URI1: variants seen among roughly 807,000 people sequenced by gnomAD.
URI1 encodes the protein unconventional prefoldin RPB5 interactor 1.
URI1 carries 39 observed loss-of-function variants against 60.2 expected under a neutral mutation model. The ratio of observed to expected loss-of-function variants is 0.65; its 90% confidence interval spans 0.50 to 0.85. The LOEUF (loss-of-function observed/expected upper bound fraction) is 0.85. Among genes scored for constraint, URI1 ranks in the 40% least tolerant of loss-of-function variants. The pLI is 0.00. For missense variants in URI1, 691 were observed against 665.9 expected (o/e 1.04, Z -0.42); for synonymous variants, 251 against 236.8 (o/e 1.06, Z -0.55).
chr19:29,973,012 G>C (rs1221115080), intron 2 of URI1, among the ~76,000 whole-genome samples: 2 of 152,172 alleles, frequency 1.3e-5, no homozygotes, highest in African/African-American at 4.8e-5. Flanking sequence ...TGCTTTTAAT[G>C]AAGATCTATA....
At chr19:29,948,177 G>T (rs1396238869) in intron 1 of URI1, among the ~76,000 whole-genome samples, 1 of 152,114 alleles carries the variant, frequency 6.6e-6, no homozygotes, top group Non-Finnish European at 1.5e-5. Context: ...TGTTATCTTG[G>T]TACCTGGTAC....
At chr19:29,985,025 C>T (rs1472924734) in intron 2 of URI1, among the ~76,000 whole-genome samples, 198 bp from the exon 3 acceptor site, 1 of 151,020 alleles carries the variant, frequency 6.6e-6, no homozygotes, top group African/African-American at 2.4e-5. Context: ...GAGGCTGAGG[C>T]AGGAGAATTG....
intron 1 of URI1, among the ~76,000 whole-genome samples, chr19:29,933,514 T>C (rs562456479): frequency 1.3e-5 from 2 of 152,324 alleles, no homozygotes; most frequent in South Asian, 4.1e-4. Context: ...GTCAATTTTG[T>C]TGATCTTTAA....
At chr19:29,949,633 T>A (rs2055152687) in intron 1 of URI1, among the ~76,000 whole-genome samples, 2 of 151,940 alleles carry the variant, frequency 1.3e-5, no homozygotes, top group South Asian at 4.2e-4. Context: ...GAGCACTGAG[T>A]GAACGAGACT....
chr19:29,942,513 G>A lies in URI1; in HGVS notation c.-35G>A. 1 of 1,327,774 alleles carries A rather than the reference G, an allele frequency of 7.5e-7. No homozygotes were observed. Among genetic ancestry groups the A allele is most frequent in the South Asian group, 1.7e-5 (1 of 57,782 alleles). The allele number at this position is 1,327,774 out of a possible 1,614,324, so 82.2% of individuals were successfully genotyped here. ...GCCGCCTGCGCAGGCGCTGGTTCAG[G>A]ACTCACACGCCGCGCTGAGGCCCGC... On this transcript the variant is annotated 5_prime_UTR_variant, in exon 1 of 11. Transcript: ENST00000392271.
At chr19:29,980,687 G>A (rs528038573) in intron 2 of URI1, among the ~76,000 whole-genome samples, 10 of 149,818 alleles carry the variant, frequency 6.7e-5, no homozygotes, top group Admixed American at 3.3e-4. Flanking sequence ...CACTCTGGGA[G>A]GCCGAAGCGG....
intron 1 of URI1, among the ~76,000 whole-genome samples, chr19:29,933,304 A>G (rs917972131): frequency 1.3e-5 from 2 of 152,166 alleles, no homozygotes; most frequent in African/African-American, 4.8e-5. Context: ...CTTGTTATAG[A>G]TCCAATCAGA....
chr19:29,995,285 A>G (rs932898526), intron 4 of URI1, among the ~76,000 whole-genome samples: 1 of 152,124 alleles, frequency 6.6e-6, no homozygotes, highest in African/African-American at 2.4e-5. Flanking sequence ...GAAGTGAAGT[A>G]TCAGCAGGGT....
At chr19:30,006,834 C>A (rs1293294806) in intron 6 of URI1, among the ~76,000 whole-genome samples, 1 of 151,990 alleles carries the variant, frequency 6.6e-6, no homozygotes, top group Non-Finnish European at 1.5e-5. Flanking sequence ...AAGCAGATAC[C>A]TCTGAGTTCA....
intron 6 of URI1, among the ~76,000 whole-genome samples, chr19:30,007,087 G>A (rs1218706884): frequency 6.6e-6 from 1 of 152,074 alleles, no homozygotes; most frequent in Admixed American, 6.6e-5. Context: ...TATCATTTAT[G>A]TGTTGCATTT....
chr19:29,953,412 C>T (rs1330624895), intron 1 of URI1, among the ~76,000 whole-genome samples: 2 of 152,106 alleles, frequency 1.3e-5, no homozygotes, highest in Non-Finnish European at 2.9e-5. Flanking sequence ...TCTTTATATT[C>T]ATAATCTGAT....
chr19:29,960,119 T>C (rs1206119713), intron 1 of URI1, among the ~76,000 whole-genome samples: 1 of 152,208 alleles, frequency 6.6e-6, no homozygotes, highest in African/African-American at 2.4e-5. Context: ...CATTATTTTC[T>C]ACTTATTTTT....
intron 1 of URI1, among the ~76,000 whole-genome samples, chr19:29,926,291 C>CCTTCCTTCCTTCCTTCCTTCCTACCT (rs1491264929): frequency 7.9e-6 from 1 of 127,248 alleles, no homozygotes; most frequent in Non-Finnish European, 1.6e-5. Context: ...TTCCTACCTT[C>CCTTCCTTCCTTCCTTCCTTCCTACCT]TTTCCTTCAA....
intron 4 of URI1, among the ~76,000 whole-genome samples, chr19:29,989,690 G>A (rs10425582): frequency 0.017 from 2,572 of 152,020 alleles, 75 homozygotes; most frequent in African/African-American, 0.057. Flanking sequence ...ACCCACCTTG[G>A]CCTCCCAAAG....
Position 29,944,140 on chromosome 19 carries a change from C to T in URI1, c.117+1476C>T, listed in dbSNP as rs1487566018. On this transcript the variant is annotated intron_variant, in intron 1 of 10. Coordinates refer to ENST00000392271, the MANE Select transcript of URI1 (RefSeq NM_003796.3). The stretch of plus-strand genomic sequence containing the variant: ...GGCGACAGAGTGAGACCCTGTCATT[C>T]ATATATATATATATATATATATATA... 2.3e-3 allele frequency among the ~76,000 whole-genome samples: 86 copies of T among 37,128 alleles called. 4 individuals carry two copies. Among genetic ancestry groups the T allele is most frequent in the African/African-American group, 4.7e-3 (79 of 16,778 alleles). The allele number at this position is 37,128 out of a possible 152,430, so 24.4% of individuals were successfully genotyped here.
chr19:29,986,497 A>T, intron 4 of URI1, 80 bp downstream of exon 4: 2 of 1,501,586 alleles, frequency 1.3e-6, no homozygotes, highest in Non-Finnish European at 1.8e-6. Context: ...GCTGTTTCTT[A>T]CCAAAAGTAC....
chr19:29,984,236 G>A (rs2055633396), intron 2 of URI1, among the ~76,000 whole-genome samples: 1 of 152,048 alleles, frequency 6.6e-6, no homozygotes, highest in Non-Finnish European at 1.5e-5. Flanking sequence ...GACCAGCCTG[G>A]CCAACGTGGC....
chr19:29,957,343 C>T (rs1358989919), intron 1 of URI1, among the ~76,000 whole-genome samples: 5 of 139,114 alleles, frequency 3.6e-5, no homozygotes, highest in Non-Finnish European at 8.0e-5. Flanking sequence ...GAACTGGATG[C>T]CAGATATTGT....
At chr19:30,012,140 T>C (rs938802747) in intron 9 of URI1, 145 bp from the exon 10 acceptor site, 8 of 932,438 alleles carry the variant, frequency 8.6e-6, no homozygotes, top group Non-Finnish European at 9.3e-6. Context: ...TATAAAATTA[T>C]TGTGATTGTG....
Sources: gnomAD v4.1 joint callset for allele counts (sites outside exome capture counted in the v4.1 genomes callset) on GRCh38, gnomAD v4.1.1 for gene constraint, MANE v1.5 for transcripts, NCBI Gene and HGNC (gene_info 2026-07-23, HGNC 2026-07-21) for gene names.